The following AFF3 variants were observed in gnomAD, a reference collection of about 807,000 sequenced individuals.
AFF3 encodes the protein ALF transcription elongation factor 3, also known as AF4/FMR2 family member 3.
In AFF3, 32 loss-of-function variants were observed where a neutral mutation model predicts 129.7. The observed-to-expected ratio is 0.25, with a 90% CI of 0.19 to 0.33. The LOEUF (loss-of-function observed/expected upper bound fraction) is 0.33. Ranked by LOEUF, AFF3 falls within the 10% of genes least tolerant of loss-of-function variation. The pLI, the probability that AFF3 is intolerant of heterozygous loss-of-function variation, is 1.00. For synonymous variants in AFF3, 644 were observed against 635.4 expected (o/e 1.01, Z -0.20); for missense variants, 1,373 against 1,592.0 (o/e 0.86, Z 2.34).
chr2:99,865,136 C>T (rs185390574), intron 7 of AFF3, among the ~76,000 whole-genome samples: 3 of 152,130 alleles, frequency 2.0e-5, no homozygotes, highest in Non-Finnish European at 2.9e-5. Context: ...AAGCAACGGT[C>T]GGGTGAGATG....
intron 7 of AFF3, among the ~76,000 whole-genome samples, chr2:99,878,136 T>C (rs367726008): frequency 4.3e-4 from 65 of 152,164 alleles, no homozygotes; most frequent in African/African-American, 1.5e-3. Context: ...TGGTAAGCAG[T>C]AGGAGAAAAC....
chr2:99,953,119 C>T (rs980037124), intron 7 of AFF3, among the ~76,000 whole-genome samples: 5 of 152,124 alleles, frequency 3.3e-5, no homozygotes, highest in African/African-American at 9.7e-5. Context: ...ATACAGAGAT[C>T]GTATACATGC....
chr2:100,106,410 C>A, intron 2 of AFF3: 2 of 1,057,928 alleles, frequency 1.9e-6, no homozygotes, highest in East Asian at 1.6e-4. Context: ...CTGCCCAAAT[C>A]CCAATGCACA....
intron 13 of AFF3, among the ~76,000 whole-genome samples, chr2:99,613,522 TTC>T (rs1382207797): frequency 1.3e-5 from 2 of 152,336 alleles, no homozygotes; most frequent in African/African-American, 4.8e-5. Context: ...TTATATAATG[TTC>T]TCTTATAATA....
intron 4 of AFF3, among the ~76,000 whole-genome samples, chr2:100,028,891 A>G (rs1487569126): frequency 6.6e-6 from 1 of 152,192 alleles, no homozygotes; most frequent in Non-Finnish European, 1.5e-5. Context: ...GAATTATAAT[A>G]TGATTCAATA....
intron 4 of AFF3, among the ~76,000 whole-genome samples, chr2:100,054,024 A>G (rs1304701774): frequency 6.6e-6 from 1 of 152,198 alleles, no homozygotes; most frequent in Non-Finnish European, 1.5e-5. Context: ...CTTCTGAGGA[A>G]TGACTTCTTC....
intron 7 of AFF3, among the ~76,000 whole-genome samples, chr2:99,884,376 T>C (rs79785265): frequency 0.025 from 3,745 of 152,252 alleles, 74 homozygotes; most frequent in Non-Finnish European, 0.037. Flanking sequence ...TTAACTATAG[T>C]TACCACGCTT....
chr2:100,011,041 G>A (rs1041185776), intron 4 of AFF3, among the ~76,000 whole-genome samples: 3 of 152,256 alleles, frequency 2.0e-5, no homozygotes, highest in Admixed American at 1.3e-4. Flanking sequence ...TTGGGAGGCC[G>A]AGATGGGTGG....
Position 99,805,469 on chromosome 2 carries a change from T to C in AFF3, c.921+32008A>G, listed in dbSNP as rs562939752. Among the ~76,000 whole-genome samples the C allele has an allele frequency of 7.2e-5, 11 of 152,168 alleles. 1 individual carries two copies. In the East Asian group the frequency reaches 1.9e-3, roughly 27 times the overall value. ...TCAGACAAACACATGAGCCAATAAATAAAACACAAAGAGAATATGGACAGT... is the reference window on the plus strand; with the variant it reads ...TCAGACAAACACATGAGCCAATAAACAAAACACAAAGAGAATATGGACAGT... On this transcript the variant is annotated intron_variant, in intron 8 of 24. Transcript: ENST00000672756.
intron 7 of AFF3, among the ~76,000 whole-genome samples, chr2:99,886,425 T>G (rs895926210): frequency 6.6e-6 from 1 of 151,890 alleles, no homozygotes; most frequent in Non-Finnish European, 1.5e-5. Context: ...TACAATTTTT[T>G]TTTTTTCAGG....
chr2:99,599,941 C>T (rs1679660359), intron 14 of AFF3, among the ~76,000 whole-genome samples: 2 of 152,020 alleles, frequency 1.3e-5, no homozygotes, highest in Admixed American at 1.3e-4. Context: ...TTGTGTATTC[C>T]AGGGCCAAGT....
chr2:99,789,710 G>A (rs1229445244), intron 8 of AFF3, among the ~76,000 whole-genome samples: 2 of 152,180 alleles, frequency 1.3e-5, no homozygotes, highest in Non-Finnish European at 2.9e-5. Context: ...CATGTCAGGA[G>A]AGGCTGGGAA....
At chr2:100,123,180 C>T (rs759023444) in intron 2 of AFF3, among the ~76,000 whole-genome samples, 15 of 152,198 alleles carry the variant, frequency 9.9e-5, no homozygotes, top group Admixed American at 2.6e-4. Flanking sequence ...TTGGCTTGGC[C>T]AACCCAGGGA....
chr2:100,011,258 A>G (rs1362301363), intron 4 of AFF3, among the ~76,000 whole-genome samples: 1 of 152,146 alleles, frequency 6.6e-6, no homozygotes, highest in African/African-American at 2.4e-5. Context: ...TGGGCGACAA[A>G]GCGAGACTCC....
chr2:99,854,726 C>T (rs529954104), intron 7 of AFF3, among the ~76,000 whole-genome samples: 1 of 152,128 alleles, frequency 6.6e-6, no homozygotes, highest in East Asian at 1.9e-4. Flanking sequence ...TTCCACTCAA[C>T]AGGAAGTCTT....
intron 7 of AFF3, among the ~76,000 whole-genome samples, chr2:99,996,661 T>C (rs1017077895): frequency 1.3e-5 from 2 of 151,880 alleles, no homozygotes; most frequent in Admixed American, 6.6e-5. Context: ...ATTACGGGCG[T>C]GAGCCACCGC....
intron 11 of AFF3, among the ~76,000 whole-genome samples, chr2:99,692,134 T>G (rs1437207039): frequency 6.6e-6 from 1 of 152,186 alleles, no homozygotes; most frequent in Non-Finnish European, 1.5e-5. Flanking sequence ...AGGGTGGGTG[T>G]GGCTGCCTCT....
chr2:100,120,466 A>T (rs999964588), intron 2 of AFF3, among the ~76,000 whole-genome samples: 1 of 92,192 alleles, frequency 1.1e-5, no homozygotes, highest in South Asian at 3.3e-4. Context: ...TGCACCCCCA[A>T]CCCCCACCCT....
At chr2:99,746,974 A>G (rs988212641) in intron 9 of AFF3, among the ~76,000 whole-genome samples, 7 of 151,954 alleles carry the variant, frequency 4.6e-5, no homozygotes, top group African/African-American at 1.4e-4. Flanking sequence ...AAGAAAGGAA[A>G]AAAAGAACAG....
Sources: allele counts gnomAD v4.1 joint callset (sites outside exome capture counted in the v4.1 genomes callset), GRCh38; gene constraint gnomAD v4.1.1; transcripts MANE v1.5; gene names NCBI Gene and HGNC (gene_info 2026-07-23, HGNC 2026-07-21).